The following ATP13A3 variants were observed in gnomAD, a reference collection of about 807,000 sequenced individuals.
The protein encoded by ATP13A3 is polyamine-transporting ATPase 13A3.
In ATP13A3, 59 loss-of-function variants were observed where a neutral mutation model predicts 158.1. That is an observed-to-expected ratio of 0.37 (90% confidence interval 0.30 to 0.46). The LOEUF is 0.46. ATP13A3 is among the 20% of genes least tolerant of loss of function. ATP13A3 has a pLI of 1.00. For synonymous variants in ATP13A3, 491 were observed against 504.3 expected, an observed-to-expected ratio of 0.97 and a Z score of 0.35; for missense variants, 1,166 against 1,525.2, an observed-to-expected ratio of 0.76 and a Z score of 3.92.
intron 33 of ATP13A3, 37 bp downstream of exon 33, chr3:194,412,162 A>C: frequency 6.8e-7 from 1 of 1,465,980 alleles, no homozygotes. Context: ...GAGCCTAGAG[A>C]GGCAGCAAGA....
chr3:194,450,428 A>G (rs1394032427), intron 10 of ATP13A3, 152 bp from the exon 11 acceptor site: 1 of 729,570 alleles, frequency 1.4e-6, no homozygotes, highest in Non-Finnish European at 2.2e-6. Context: ...TTTAACAAAT[A>G]AGATTATTAG....
chr3:194,469,195 C>G (rs1038099224), intron 2 of ATP13A3, among the ~76,000 whole-genome samples: 3 of 151,380 alleles, frequency 2.0e-5, no homozygotes, highest in Non-Finnish European at 2.9e-5. Context: ...CAGTGGCTCA[C>G]GCCTATAATC....
chr3:194,419,301 CA>C (rs1716118012), intron 31 of ATP13A3, among the ~76,000 whole-genome samples: 1 of 152,094 alleles, frequency 6.6e-6, no homozygotes, highest in Non-Finnish European at 1.5e-5. Flanking sequence ...ATCATCAAAA[CA>C]GGTACATGAG....
At position 194,459,921 on chromosome 3, in the gene ATP13A3, T is replaced by G; in HGVS notation, c.276A>C (p.Glu92Asp). The stretch of plus-strand genomic sequence containing the variant: ...ATTTTGGACTTGAAACTGGGTAAGT[T>G]TCCAAAGAAAGAACGCGAATTTTTG... ...FCAKIRVLSL[E>D]TYPVSSPKSM... The change falls in exon 5 of 34, where the codon GAA becomes GAC. Residue 92 changes from glutamate (E) to aspartate (D), a missense_variant. Glu to Asp is a conservative substitution (Grantham distance 45, BLOSUM62 2). Coordinates refer to ENST00000645319, the MANE Select transcript of ATP13A3 (RefSeq NM_001367549.1). 6.2e-7 allele frequency: 1 copy of G among 1,613,380 alleles called. No homozygotes were observed. The highest frequency in any genetic ancestry group is 8.5e-7 in the Non-Finnish European group (1 of 1,179,602).
rs1407609718 is a variant in ATP13A3, at chr3:194,405,600, TACCAAAC to T, written c.*312_*318del. On this transcript the variant is annotated 3_prime_UTR_variant, in exon 34 of 34. Coordinates refer to ENST00000645319, the MANE Select transcript of ATP13A3 (RefSeq NM_001367549.1). ...TCTCAAAAACTAATGTTGAAAAACC[TACCAAAC>T]ACCAAACTTCTCCTGTACCCAATAT... is the stretch of plus-strand genomic sequence containing the variant. 1 of 232,674 alleles carries T rather than the reference TACCAAAC, an allele frequency of 4.3e-6. No homozygotes were observed. Among genetic ancestry groups the T allele is most frequent in the African/African-American group, 2.3e-5 (1 of 43,648 alleles). The allele number at this position is 232,674 out of a possible 1,614,324, so 14.4% of individuals were successfully genotyped here.
At chr3:194,489,418 G>T (rs1721119984), upstream of ATP13A3, among the ~76,000 whole-genome samples, 2 of 152,048 alleles carry the variant, frequency 1.3e-5, no homozygotes, top group African/African-American at 4.8e-5. This position sits in a 1 kb window ranked among gnomAD's most constrained non-coding sequence, Gnocchi z 4.1. Flanking sequence ...ACTCCACTCT[G>T]GCCAAGAAGA....
In ATP13A3 at chr3:194,447,091, C is replaced by T. The variant is rs372992123; in HGVS notation, c.1333G>A (p.Glu445Lys). ...NEVQVGVIII[E>K]SLDIITITVP... ...GTAATTGTGATAATATCAAGAGACT[C>T]GATAATTATGACCCCAACTTGTACC... Residue 445 changes from glutamate (E) to lysine (K), a missense_variant, in exon 14 of 34, where the codon GAG becomes AAG. This residue lies in a region of ATP13A3 where 997 missense variants were observed against 1,341.2 expected (regional missense o/e 0.74). Transcript: ENST00000645319. 6.4e-5 allele frequency: 103 copies of T among 1,608,156 alleles called. No individual in the cohort carries two copies. Among genetic ancestry groups the T allele is most frequent in the Non-Finnish European group, 8.6e-5 (101 of 1,178,692 alleles).
intron 2 of ATP13A3, among the ~76,000 whole-genome samples, chr3:194,483,942 C>A (rs894113492): frequency 6.6e-6 from 1 of 151,920 alleles, no homozygotes; most frequent in African/African-American, 2.4e-5. Flanking sequence ...TTAAACTGAG[C>A]TATATTTGAA....
In ATP13A3 at chr3:194,405,978, T is replaced by C; in HGVS notation, c.3712A>G (p.Thr1238Ala). 1 of 1,614,168 alleles carries C rather than the reference T, an allele frequency of 6.2e-7. No individual in the cohort carries two copies. Among genetic ancestry groups the C allele is most frequent in the Non-Finnish European group, 8.5e-7 (1 of 1,180,034 alleles). ...PEWPPKPQTT[T>A]EAKALVKENG... ...TCCTTAACTAAAGCTTTAGCTTCTG[T>C]GGTTGTCTGAGGTTTTGGTGGCCAT... The change falls in exon 34 of 34, where the codon ACA becomes GCA. Residue 1238 changes from threonine to alanine, a missense_variant. Transcript: ENST00000645319.
chr3:194,462,471 T>C (rs1180784701), intron 2 of ATP13A3, among the ~76,000 whole-genome samples: 2 of 152,210 alleles, frequency 1.3e-5, no homozygotes, highest in Non-Finnish European at 2.9e-5. Context: ...GCACAAACCC[T>C]ACTGTGAACT....
upstream of ATP13A3, among the ~76,000 whole-genome samples, chr3:194,490,943 T>G (rs1377901384): frequency 1.3e-5 from 2 of 152,144 alleles, no homozygotes; most frequent in African/African-American, 4.8e-5. The surrounding 1 kb of genome is among the most constrained non-coding windows in gnomAD (Gnocchi z 4.4). Context: ...GTTGGGAGTT[T>G]GAGATCAGCC....
intron 31 of ATP13A3, among the ~76,000 whole-genome samples, chr3:194,417,868 G>A (rs536655997): frequency 1.5e-3 from 225 of 152,070 alleles, no homozygotes; most frequent in Non-Finnish European, 2.7e-3. Context: ...GGCTGTGGTG[G>A]GAGGACCACT....
chr3:194,447,873 A>T lies in ATP13A3; in HGVS notation c.1287T>A (p.Ile429=), dbSNP rs779189247. 1 of 1,611,328 alleles carries T rather than the reference A, an allele frequency of 6.2e-7. No individual in the cohort carries two copies. The highest frequency in any genetic ancestry group is 2.2e-5 in the East Asian group (1 of 44,836). ...AVAGIGFIYT[I]INSILNEVQV... Reference sequence around the variant, plus strand: ...ATACCTCATTTAAAATGCTATTAATAATAGTGTAGATAAACCCAATGCCAG... The same window carrying T: ...ATACCTCATTTAAAATGCTATTAATTATAGTGTAGATAAACCCAATGCCAG... Residue 429 remains isoleucine, a synonymous_variant, in exon 13 of 34, where the codon ATT becomes ATA. Transcript: ENST00000645319.
At chr3:194,408,253 C>T (rs527903442) in intron 33 of ATP13A3, among the ~76,000 whole-genome samples, 31 of 152,214 alleles carry the variant, frequency 2.0e-4, no homozygotes, top group Middle Eastern at 3.4e-3. Context: ...CTCCTGACCC[C>T]GTGATCCATC....
intron 26 of ATP13A3, 83 bp from the exon 27 acceptor site, chr3:194,429,857 G>C: frequency 5.6e-6 from 7 of 1,247,710 alleles, no homozygotes; most frequent in Non-Finnish European, 8.1e-6. Context: ...CTTGACAGAT[G>C]AACATCAACA....
At chr3:194,485,934 C>T (rs1242608306) in intron 1 of ATP13A3, 99 bp from the exon 2 acceptor site, 2 of 152,216 alleles carry the variant, frequency 1.3e-5, no homozygotes, top group Non-Finnish European at 2.9e-5. Flanking sequence ...ATTCCCTCCC[C>T]CTTCATCCCT....
At chr3:194,420,881 T>A (rs1190316396) in intron 30 of ATP13A3, among the ~76,000 whole-genome samples, 1 of 151,558 alleles carries the variant, frequency 6.6e-6, no homozygotes, top group Admixed American at 6.6e-5. Context: ...CACTTCAAAC[T>A]CAAACTTTAC....
At chr3:194,481,572 C>T (rs956780141) in intron 2 of ATP13A3, among the ~76,000 whole-genome samples, 3 of 152,044 alleles carry the variant, frequency 2.0e-5, no homozygotes, top group Admixed American at 6.6e-5. Context: ...ATGATCTCTC[C>T]GCATTATTTT....
At chr3:194,434,043 C>T in intron 20 of ATP13A3, 147 bp from the exon 21 acceptor site, 3 of 823,868 alleles carry the variant, frequency 3.6e-6, no homozygotes, top group South Asian at 4.0e-5. Flanking sequence ...ATTTTATATG[C>T]TGAATAAACC....
Sources: gnomAD v4.1 joint callset for allele counts (sites outside exome capture counted in the v4.1 genomes callset) on GRCh38, gnomAD v4.1.1 for gene constraint, gnomAD v4.1.1 regional missense constraint, Gnocchi (gnomAD v3.1) non-coding constraint, MANE v1.5 for transcripts, NCBI Gene and HGNC (gene_info 2026-07-23, HGNC 2026-07-21) for gene names.